SI: variants seen among roughly 807,000 people sequenced by gnomAD.
SI encodes the protein sucrase-isomaltase, intestinal.
Under a neutral mutation model 253.3 loss-of-function variants are expected in SI, and 235 were observed. The observed-to-expected ratio is 0.93, with a 90% CI of 0.83 to 1.03. The LOEUF is 1.03. SI is among the 50% of genes least tolerant of loss of function. The pLI, the probability that SI is intolerant of heterozygous loss-of-function variation, is 0.00. For missense variants in SI, 2,442 were observed against 2,211.1 expected, an observed-to-expected ratio of 1.10 and a Z score of -2.09; for synonymous variants, 819 against 712.0, an observed-to-expected ratio of 1.15 and a Z score of -2.39.
At chr3:164,992,812 G>T (rs1399689085) in intron 41 of SI, among the ~76,000 whole-genome samples, 2 of 151,760 alleles carry the variant, frequency 1.3e-5, no homozygotes, top group African/African-American at 4.8e-5. Context: ...AAAAGAGTTT[G>T]CTTATCTTAC....
At chr3:165,063,341 G>T in intron 8 of SI, 101 bp downstream of exon 8, 2 of 595,680 alleles carry the variant, frequency 3.4e-6, no homozygotes, top group Non-Finnish European at 6.1e-6. Flanking sequence ...AACTATAATA[G>T]AGTTTACTCT....
chr3:165,014,203 C>T (rs1430845007), intron 33 of SI, among the ~76,000 whole-genome samples: 1 of 152,152 alleles, frequency 6.6e-6, no homozygotes, highest in Admixed American at 6.6e-5. Flanking sequence ...CAAAAAGCCT[C>T]TCACATTTCA....
At chr3:165,062,001 A>G (rs1228021469) in intron 9 of SI, among the ~76,000 whole-genome samples, 2 of 152,000 alleles carry the variant, frequency 1.3e-5, no homozygotes, top group Non-Finnish European at 2.9e-5. Context: ...CCAAAAGGAT[A>G]TATGACCTAC....
In SI at chr3:165,074,721, C is replaced by T. The variant is rs753888370; in HGVS notation, c.119-54G>A. ...AAACATGACATTAAATTAATTTTCT[C>T]AGAATTATCAAGTAATAAGTACTTT... is the stretch of plus-strand genomic sequence containing the variant. On this transcript the variant is annotated intron_variant, in intron 2 of 47. Transcript: ENST00000264382. 2.1e-6 allele frequency: 3 copies of T among 1,404,440 alleles called. No individual in the cohort carries two copies. In the Admixed American group the frequency reaches 5.1e-5, roughly 24 times the overall value. 87.0% of individuals were successfully genotyped at this position (1,404,440 alleles called of 1,614,324 possible).
chr3:165,047,022 A>T lies in SI; in HGVS notation c.1716-10T>A, dbSNP rs1447185419. 6.5e-7 allele frequency: 1 copy of T among 1,547,672 alleles called. No individual in the cohort carries two copies. The highest frequency in any genetic ancestry group is 2.3e-5 in the East Asian group (1 of 43,806). ...AACTTTTTGTACAGCTCTAAAAATAAAACCAAATTAACAAATACAATTTAT... is the reference window on the plus strand; with the variant it reads ...AACTTTTTGTACAGCTCTAAAAATATAACCAAATTAACAAATACAATTTAT... On this transcript the variant is annotated splice_polypyrimidine_tract_variant and intron_variant, in intron 15 of 47. Transcript: ENST00000264382.
intron 17 of SI, among the ~76,000 whole-genome samples, chr3:165,042,278 T>G (rs988979915): frequency 3.9e-5 from 6 of 152,112 alleles, no homozygotes; most frequent in Non-Finnish European, 8.8e-5. Flanking sequence ...ACCTTTTAAT[T>G]TTTTTCCATC....
intron 13 of SI, among the ~76,000 whole-genome samples, chr3:165,052,103 T>A (rs1346881402): frequency 6.6e-6 from 1 of 152,118 alleles, no homozygotes; most frequent in Non-Finnish European, 1.5e-5. Flanking sequence ...TATGTCTATA[T>A]AGCAAGATTG....
chr3:165,062,770 C>T (rs1455979534), intron 8 of SI, among the ~76,000 whole-genome samples: 1 of 152,016 alleles, frequency 6.6e-6, no homozygotes. Context: ...GATTAGTTCT[C>T]TGGCGACCAA....
intron 27 of SI, among the ~76,000 whole-genome samples, chr3:165,020,909 T>C (rs1324372083): frequency 1.3e-5 from 2 of 151,628 alleles, no homozygotes; most frequent in African/African-American, 4.8e-5. Flanking sequence ...TGTTTCCAAA[T>C]ACTTATTTTT....
chr3:165,021,266 CA>C lies in SI; in HGVS notation c.3216del (p.Phe1072LeufsTer55). 1 of 1,611,298 alleles carries C rather than the reference CA, an allele frequency of 6.2e-7. No individual in the cohort carries two copies. The highest frequency in any genetic ancestry group is 8.5e-7 in the Non-Finnish European group (1 of 1,178,094). On this transcript the variant is annotated frameshift_variant, in exon 27 of 48. Transcript: ENST00000264382. LOFTEE classifies it high-confidence loss of function. The part of the protein sequence containing the change: ...LYDVEIKENP[F>X]GIQIRRRSSG... The stretch of plus-strand genomic sequence containing the variant: ...CTGCTTCTCCGTCGAATCTGGATGC[CA>C]AAAGGATTTTCCTTGATTTCCACAT...
intron 7 of SI, among the ~76,000 whole-genome samples, chr3:165,064,393 G>A (rs1053054851): frequency 9.2e-5 from 14 of 152,068 alleles, no homozygotes; most frequent in Non-Finnish European, 1.8e-4. Flanking sequence ...AGATAGTGAT[G>A]CTGCAAACAG....
intron 22 of SI, among the ~76,000 whole-genome samples, chr3:165,035,795 A>G (rs934425382): frequency 6.6e-6 from 1 of 151,632 alleles, no homozygotes; most frequent in African/African-American, 2.4e-5. Flanking sequence ...TTGTAAGTGA[A>G]TAGTTAAATA....
rs145734588 is a variant in SI, at chr3:165,007,938, C to T, written c.4240G>A (p.Glu1414Lys). The T allele has an allele frequency of 2.0e-4, 323 of 1,597,302 alleles. No homozygotes were observed. In the African/African-American group the frequency reaches 2.5e-3, roughly 12 times the overall value. ...GGGAAATAAGGTGGATAATTTAGTT[C>T]GTCATTTCTGCATTGATTAGTAGTT... ...GTTTNQCRND[E>K]LNYPPYFPEL... The change falls in exon 36 of 48, where the codon GAA (glutamate) becomes AAA (lysine). Residue 1414 changes from glutamate (E) to lysine (K), a missense_variant. Physicochemically the swap from Glu to Lys is moderately conservative, Grantham distance 56 (BLOSUM62 1). Coordinates refer to ENST00000264382, the MANE Select transcript of SI (RefSeq NM_001041.4).
chr3:164,982,914 G>T, intron 46 of SI, 88 bp downstream of exon 46: 1 of 1,276,924 alleles, frequency 7.8e-7, no homozygotes, highest in South Asian at 1.3e-5. Context: ...GCCTCCCAAT[G>T]AACTAGGATT....
At chr3:165,039,815 T>C in intron 19 of SI, 72 bp downstream of exon 19, 3 of 1,005,452 alleles carry the variant, frequency 3.0e-6, no homozygotes, top group Non-Finnish European at 4.8e-6. Flanking sequence ...ATTATTCAGA[T>C]GTTTTGTAAT....
chr3:165,025,740 G>T (rs556122124), intron 25 of SI, among the ~76,000 whole-genome samples: 61 of 151,320 alleles, frequency 4.0e-4, no homozygotes, highest in African/African-American at 1.3e-3. Flanking sequence ...GAAAAACTAA[G>T]GTTCATAAAT....
the SI span, among the ~76,000 whole-genome samples, chr3:165,087,845 G>A: frequency 5.3e-5 from 8 of 152,078 alleles, no homozygotes; most frequent in Admixed American, 6.6e-5. Flanking sequence ...ATTAGTGATG[G>A]CACATTAGCT....
At chr3:165,002,395 C>G (rs956782265) in intron 37 of SI, among the ~76,000 whole-genome samples, 3 of 151,702 alleles carry the variant, frequency 2.0e-5, no homozygotes, top group Admixed American at 1.3e-4. Flanking sequence ...TCTGCAATTT[C>G]TCAAGCTGAT....
At chr3:165,000,495 C>T (rs1375976023) in intron 37 of SI, among the ~76,000 whole-genome samples, 4 of 151,090 alleles carry the variant, frequency 2.6e-5, no homozygotes, top group African/African-American at 9.7e-5. Context: ...AGCTAATTAG[C>T]CTTATTTGAT....
Sources: gnomAD v4.1 joint callset for allele counts (sites outside exome capture counted in the v4.1 genomes callset) on GRCh38, gnomAD v4.1.1 for gene constraint, MANE v1.5 for transcripts, NCBI Gene and HGNC (gene_info 2026-07-23, HGNC 2026-07-21) for gene names.